The following SLC67A1 variants were observed in gnomAD, a reference collection of about 807,000 sequenced individuals.
SLC67A1 encodes the protein solute carrier family 67 member A1.
the SLC67A1 span, chr11:2,909,398 G>A: frequency 1.3e-6 from 2 of 1,495,508 alleles, no homozygotes; most frequent in Admixed American, 2.2e-5. Context: ...GCCGGGTCGG[G>A]GGCAGCCTGC....
At chr11:2,901,065 G>T in the SLC67A1 span, among the ~76,000 whole-genome samples, 3 of 152,220 alleles carry the variant, frequency 2.0e-5, no homozygotes, top group East Asian at 5.8e-4. Flanking sequence ...TCTATGACCT[G>T]CCCTGGGGAA....
the SLC67A1 span, among the ~76,000 whole-genome samples, chr11:2,901,194 G>C: frequency 2.6e-5 from 4 of 152,198 alleles, no homozygotes; most frequent in African/African-American, 4.8e-5. Flanking sequence ...TTCATTTTGG[G>C]GTATTGTTTT....
the SLC67A1 span, among the ~76,000 whole-genome samples, chr11:2,900,657 C>T: frequency 4.3e-3 from 538 of 126,034 alleles, 4 homozygotes; most frequent in African/African-American, 0.015. Context: ...CGCGCCACTG[C>T]ACTTCAGCCT....
chr11:2,909,603 G>A, the SLC67A1 span: 9 of 1,531,438 alleles, frequency 5.9e-6, no homozygotes, highest in Non-Finnish European at 7.9e-6. Flanking sequence ...TCACGGACCT[G>A]TCGGCACCCG....
At chr11:2,910,098 A>G in the SLC67A1 span, among the ~76,000 whole-genome samples, 2 of 152,076 alleles carry the variant, frequency 1.3e-5, no homozygotes, top group Non-Finnish European at 2.9e-5. Flanking sequence ...CGGTGCCCAG[A>G]GCACACCTCC....
At chr11:2,915,003 AG>A in the SLC67A1 span, 1 of 985,488 alleles carries the variant, frequency 1.0e-6, no homozygotes, top group South Asian at 4.7e-5. Context: ...CCCAGCAGCC[AG>A]AAAACCTGAG....
the SLC67A1 span, among the ~76,000 whole-genome samples, chr11:2,908,836 G>A: frequency 1.3e-5 from 2 of 152,232 alleles, no homozygotes; most frequent in African/African-American, 2.4e-5. Flanking sequence ...CAGTGGCCCA[G>A]AACAGAAGGG....
the SLC67A1 span, chr11:2,922,319 C>T: frequency 5.9e-6 from 9 of 1,519,294 alleles, no homozygotes; most frequent in South Asian, 1.2e-5. Flanking sequence ...CACACCCACC[C>T]GGGGCCAGCT....
At chr11:2,919,264 G>C in the SLC67A1 span, 2 of 1,469,044 alleles carry the variant, frequency 1.4e-6, no homozygotes, top group Admixed American at 1.7e-5. Context: ...CGCCAAGGTC[G>C]GGGTGTGGGG....
the SLC67A1 span, among the ~76,000 whole-genome samples, chr11:2,910,234 T>C: frequency 2.7e-5 from 4 of 150,826 alleles, no homozygotes; most frequent in African/African-American, 9.8e-5. Context: ...GGAGGTGGAG[T>C]GGGGTGGGGT....
At chr11:2,903,560 GGCCGTC>G in the SLC67A1 span, 41 of 1,568,772 alleles carry the variant, frequency 2.6e-5, no homozygotes, top group Non-Finnish European at 3.3e-5. Flanking sequence ...CCTCCATCTG[GGCCGTC>G]GCAGAGAGTG....
At chr11:2,909,705 G>C in the SLC67A1 span, 8 of 1,525,536 alleles carry the variant, frequency 5.2e-6, no homozygotes, top group Non-Finnish European at 7.0e-6. Context: ...TGGTCTCCGC[G>C]TACGGGTGAG....
At chr11:2,915,157 G>A in the SLC67A1 span, 1 of 985,414 alleles carries the variant, frequency 1.0e-6, no homozygotes, top group Non-Finnish European at 1.2e-6. Context: ...GAAATGAGGG[G>A]TGGCCAATGC....
the SLC67A1 span, among the ~76,000 whole-genome samples, chr11:2,924,057 G>T: frequency 6.6e-6 from 1 of 152,228 alleles, no homozygotes; most frequent in South Asian, 2.1e-4. The surrounding 1 kb of genome is among the most constrained non-coding windows in gnomAD (Gnocchi z 8.6). Flanking sequence ...GGGACCAGAG[G>T]CAGTGTCCTC....
the SLC67A1 span, chr11:2,917,013 A>AGAC: frequency 2.0e-6 from 1 of 491,298 alleles, no homozygotes; most frequent in Non-Finnish European, 3.8e-6. Context: ...GGGGAGGCCC[A>AGAC]GACAGGGAAG....
the SLC67A1 span, chr11:2,921,116 A>AGCTACTC: frequency 6.6e-6 from 1 of 151,154 alleles, no homozygotes; most frequent in African/African-American, 2.4e-5. Context: ...CTGTAGTCCC[A>AGCTACTC]GCTACTCGGG....
At chr11:2,903,453 ACTTAC>A in the SLC67A1 span, 1 of 1,613,084 alleles carries the variant, frequency 6.2e-7, no homozygotes, top group Non-Finnish European at 8.5e-7. Context: ...CCGCCACAGA[ACTTAC>A]CTGCCTCTTC....
the SLC67A1 span, among the ~76,000 whole-genome samples, chr11:2,913,066 AG>A: frequency 6.6e-6 from 1 of 151,784 alleles, no homozygotes; most frequent in Non-Finnish European, 1.5e-5. Flanking sequence ...GAGGCTGAGG[AG>A]TGCAGGGGTG....
At chr11:2,906,359 C>T in the SLC67A1 span, among the ~76,000 whole-genome samples, 1 of 152,164 alleles carries the variant, frequency 6.6e-6, no homozygotes, top group Non-Finnish European at 1.5e-5. Context: ...CCCAGCGATC[C>T]CATTACTGGG....
Sources: allele counts gnomAD v4.1 joint callset (sites outside exome capture counted in the v4.1 genomes callset), GRCh38; gene constraint gnomAD v4.1.1; non-coding constraint Gnocchi (gnomAD v3.1); transcripts MANE v1.5; gene names NCBI Gene and HGNC (gene_info 2026-07-23, HGNC 2026-07-21).